Variants in SGCG observed in about 807,000 individuals in gnomAD.
SGCG encodes the protein gamma-sarcoglycan.
SGCG carries 26 observed loss-of-function variants against 29.3 expected under a neutral mutation model. The ratio of observed to expected loss-of-function variants is 0.89; its 90% CI spans 0.65 to 1.23. The LOEUF (loss-of-function observed/expected upper bound fraction) is 1.23. Ranked by LOEUF, SGCG falls within the 50% of genes most tolerant of loss-of-function variation. The pLI is 0.00. For synonymous variants in SGCG, 145 were observed against 129.7 expected (o/e 1.12, Z -0.80); for missense variants, 353 against 356.0 (o/e 0.99, Z 0.07).
chr13:23,175,129 G>C, the SGCG span, among the ~76,000 whole-genome samples: 2 of 152,194 alleles, frequency 1.3e-5, no homozygotes, highest in Admixed American at 1.3e-4. Flanking sequence ...GAACTACATA[G>C]GAGAAAGGAG....
chr13:23,299,268 G>C (rs945385831), intron 6 of SGCG, among the ~76,000 whole-genome samples: 9 of 145,100 alleles, frequency 6.2e-5, no homozygotes, highest in African/African-American at 2.0e-4. Context: ...AGATGCCTCT[G>C]ACTGATTATA....
At chr13:23,217,894 C>G (rs1878493448) in intron 2 of SGCG, among the ~76,000 whole-genome samples, 1 of 152,054 alleles carries the variant, frequency 6.6e-6, no homozygotes. Flanking sequence ...GAATAAGTAG[C>G]TGATGAGTAT....
intron 1 of SGCG, among the ~76,000 whole-genome samples, chr13:23,202,963 C>G (rs565058929): frequency 6.6e-6 from 1 of 151,650 alleles, no homozygotes; most frequent in Non-Finnish European, 1.5e-5. Context: ...TTCTTTTTTT[C>G]TTTTTCTTTT....
chr13:23,183,912 C>T (rs1235066831), intron 1 of SGCG, among the ~76,000 whole-genome samples: 1 of 151,922 alleles, frequency 6.6e-6, no homozygotes, highest in African/African-American at 2.4e-5. Context: ...GTGATCCACC[C>T]GCCTCGGCCT....
At position 23,290,093 on chromosome 13, in the gene SGCG, A is replaced by G. The variant is rs200038713; in HGVS notation, c.506-5322A>G. On this transcript the variant is annotated intron_variant, in intron 5 of 7. Coordinates refer to ENST00000218867, the MANE Select transcript of SGCG (RefSeq NM_000231.3). ...ATGGCAGGCAGCCAGGAGGAGACTC[A>G]AAGATGATATTTGTTTTGGTTGATG... Among the ~76,000 whole-genome samples, 16 of 152,332 alleles carry G rather than the reference A, an allele frequency of 1.1e-4. No homozygotes were observed. The East Asian group carries it at 1.9e-3, about 18-fold the overall frequency.
chr13:23,206,559 G>A (rs1877988290), intron 2 of SGCG, among the ~76,000 whole-genome samples: 1 of 152,080 alleles, frequency 6.6e-6, no homozygotes. Context: ...TTTGTTGTCT[G>A]TAGACATTTA....
rs191044447 is a variant in SGCG at position 23,216,248 on chromosome 13, A to G, written c.195+12359A>G. Among the ~76,000 whole-genome samples the G allele has an allele frequency of 1.4e-4, 21 of 152,260 alleles. 1 individual carries two copies. In the East Asian group the frequency reaches 3.7e-3, roughly 27 times the overall value. On this transcript the variant is annotated intron_variant, in intron 2 of 7. Transcript: ENST00000218867. Reference sequence around the variant, plus strand: ...CTGAATTTGTCTATACTACGGGTGTATCTATTTATGTCAGAGGAATTCAGG... The same window carrying G: ...CTGAATTTGTCTATACTACGGGTGTGTCTATTTATGTCAGAGGAATTCAGG...
chr13:23,292,292 T>C (rs1881744368), intron 5 of SGCG, among the ~76,000 whole-genome samples: 1 of 152,194 alleles, frequency 6.6e-6, no homozygotes, highest in Non-Finnish European at 1.5e-5. Flanking sequence ...GTATTTTTAG[T>C]AGAGACGGGA....
intron 1 of SGCG, among the ~76,000 whole-genome samples, chr13:23,187,183 G>A (rs1877011994): frequency 6.6e-6 from 1 of 152,160 alleles, no homozygotes; most frequent in South Asian, 2.1e-4. Context: ...GGAGTGGATG[G>A]TGATGGGCCA....
chr13:23,268,626 T>C (rs886952038), intron 4 of SGCG: 1 of 152,198 alleles, frequency 6.6e-6, no homozygotes, highest in African/African-American at 2.4e-5. Context: ...ATGCCCATGG[T>C]GGGTGGGTTG....
chr13:23,173,190 G>A, the SGCG span, among the ~76,000 whole-genome samples: 284 of 152,220 alleles, frequency 1.9e-3, 4 homozygotes, highest in Admixed American at 6.3e-3. Context: ...ACCAGGTAGC[G>A]CTGGGAAATC....
chr13:23,166,225 TTTTG>T, the SGCG span, among the ~76,000 whole-genome samples: 9 of 151,860 alleles, frequency 5.9e-5, no homozygotes, highest in East Asian at 5.8e-4. Context: ...TTACCGAGAG[TTTTG>T]TTTGTTTGTT....
At position 23,246,144 on chromosome 13, in the gene SGCG, G is replaced by C. The variant is rs1386585674; in HGVS notation, c.298-4486G>C. ...AGAGGAGCAGCCACCAGAGCTTCCT[G>C]AGTGATTATTCCACCAGTTTTCCAG... On this transcript the variant is annotated intron_variant, in intron 3 of 7. Coordinates refer to ENST00000218867, the MANE Select transcript of SGCG (RefSeq NM_000231.3). The C allele has an allele frequency of 2.6e-5, 4 of 153,410 alleles. No homozygotes were observed. In the Admixed American group the frequency reaches 2.6e-4, roughly 10 times the overall value. The allele number at this position is 153,410 out of a possible 1,614,324, so 9.5% of individuals were successfully genotyped here.
intron 3 of SGCG, among the ~76,000 whole-genome samples, chr13:23,242,630 C>T (rs1388458082): frequency 2.0e-5 from 3 of 152,120 alleles, no homozygotes; most frequent in African/African-American, 7.2e-5. Context: ...ACCTTGCTGT[C>T]ATTCTCTAAA....
At chr13:23,160,643 G>C in the SGCG span, among the ~76,000 whole-genome samples, 6 of 152,154 alleles carry the variant, frequency 3.9e-5, no homozygotes, top group African/African-American at 1.4e-4. Context: ...AAGAAGTACA[G>C]CAGGTAAAGA....
intron 1 of SGCG, among the ~76,000 whole-genome samples, chr13:23,200,358 A>C (rs1019000341): frequency 6.6e-6 from 1 of 152,180 alleles, no homozygotes; most frequent in East Asian, 1.9e-4. Flanking sequence ...CTGGAGGCGG[A>C]GGTTGCAGTG....
intron 5 of SGCG, among the ~76,000 whole-genome samples, chr13:23,282,983 AGTTT>A (rs1207260288): frequency 2.0e-5 from 3 of 152,174 alleles, no homozygotes; most frequent in Non-Finnish European, 4.4e-5. Flanking sequence ...TCTGAGAGAT[AGTTT>A]GTTATGATCT....
intron 6 of SGCG, among the ~76,000 whole-genome samples, chr13:23,311,945 G>A (rs1251411830): frequency 6.6e-6 from 1 of 151,990 alleles, no homozygotes; most frequent in African/African-American, 2.4e-5. Flanking sequence ...CTAATTTGCT[G>A]TAAATGTGCA....
the SGCG span, among the ~76,000 whole-genome samples, chr13:23,163,541 T>C: frequency 0.07 from 10,632 of 152,212 alleles, 600 homozygotes; most frequent in Admixed American, 0.19. Flanking sequence ...AATCCCAGCA[T>C]GGATGTGGGC....
Sources: allele counts gnomAD v4.1 joint callset (sites outside exome capture counted in the v4.1 genomes callset), GRCh38; gene constraint gnomAD v4.1.1; transcripts MANE v1.5; gene names NCBI Gene and HGNC (gene_info 2026-07-23, HGNC 2026-07-21).